The following DOCK8 variants were observed in gnomAD, a reference collection of about 807,000 sequenced individuals.
DOCK8 encodes dedicator of cytokinesis 8.
In DOCK8, 141 loss-of-function variants were observed where a neutral mutation model predicts 245.6. The ratio of observed to expected loss-of-function variants is 0.57; its 90% CI spans 0.50 to 0.66. The LOEUF (loss-of-function observed/expected upper bound fraction) is 0.66. Ranked by LOEUF, DOCK8 falls within the 30% of genes least tolerant of loss-of-function variation. The pLI, the probability that DOCK8 is intolerant of heterozygous loss-of-function variation, is 0.00. For missense variants in DOCK8, 2,965 were observed against 2,603.4 expected (o/e 1.14, Z -3.02); for synonymous variants, 1,168 against 970.2 (o/e 1.20, Z -3.79).
chr9:368,390 A>G, intron 15 of DOCK8: 1 of 679,388 alleles, frequency 1.5e-6, no homozygotes, highest in Non-Finnish European at 2.7e-6. Context: ...AAAAGTCATA[A>G]AGTCTTTCCA....
intron 32 of DOCK8, among the ~76,000 whole-genome samples, chr9:421,593 T>C (rs1382763588): frequency 6.6e-6 from 1 of 152,190 alleles, no homozygotes; most frequent in African/African-American, 2.4e-5. Flanking sequence ...TGAGCTTGAA[T>C]AGAATGAAAT....
At chr9:310,901 G>A (rs923409022) in intron 5 of DOCK8, among the ~76,000 whole-genome samples, 4 of 152,176 alleles carry the variant, frequency 2.6e-5, no homozygotes, top group Admixed American at 6.5e-5. Flanking sequence ...ACTGTGGGTG[G>A]GACCTGGGAC....
chr9:410,279 C>G (rs2055661296), intron 28 of DOCK8, among the ~76,000 whole-genome samples: 1 of 152,100 alleles, frequency 6.6e-6, no homozygotes, highest in Non-Finnish European at 1.5e-5. Flanking sequence ...CTCAAGTAAC[C>G]ACTATTCTGA....
chr9:227,011 A>G (rs1384420693), intron 1 of DOCK8, among the ~76,000 whole-genome samples: 1 of 152,218 alleles, frequency 6.6e-6, no homozygotes, highest in Non-Finnish European at 1.5e-5. Context: ...ATCAATACAT[A>G]TAACAAGGAG....
At chr9:379,103 G>C (rs571178377) in intron 20 of DOCK8, among the ~76,000 whole-genome samples, 3 of 152,100 alleles carry the variant, frequency 2.0e-5, no homozygotes, top group Non-Finnish European at 4.4e-5. Flanking sequence ...AGGCATGATG[G>C]GACAATACAA....
rs1477211332 is a variant in DOCK8 at position 459,155 on chromosome 9, T to A, written c.6069-4362T>A. ...GATGTTTGTGGACCTATTGAGAATG[T>A]TACAGATAAGACCATTTTTGAAAAG... On this transcript the variant is annotated intron_variant, in intron 46 of 47. Transcript: ENST00000432829. Among the ~76,000 whole-genome samples the A allele has an allele frequency of 5.3e-5, 8 of 152,340 alleles. No homozygotes were observed. The East Asian group carries it at 1.5e-3, about 29-fold the overall frequency.
At chr9:462,616 A>C (rs1432014802) in intron 46 of DOCK8, among the ~76,000 whole-genome samples, 2 of 152,172 alleles carry the variant, frequency 1.3e-5, no homozygotes, top group Non-Finnish European at 2.9e-5. Context: ...CTAAAATCTT[A>C]ATGGGCAGTC....
chr9:304,831 C>A, intron 5 of DOCK8, 127 bp downstream of exon 5: 2 of 1,316,636 alleles, frequency 1.5e-6, no homozygotes, highest in Non-Finnish European at 2.1e-6. Flanking sequence ...ACTTTACCAT[C>A]TGAGTCAGTG....
At chr9:459,564 T>G (rs938515603) in intron 46 of DOCK8, among the ~76,000 whole-genome samples, 1 of 152,210 alleles carries the variant, frequency 6.6e-6, no homozygotes, top group Non-Finnish European at 1.5e-5. Context: ...GATACTTGCC[T>G]ATGATGTGGT....
intron 3 of DOCK8, 143 bp downstream of exon 3, chr9:286,779 T>TA: frequency 1.2e-6 from 1 of 828,306 alleles, no homozygotes; most frequent in South Asian, 1.5e-5. Context: ...AGCTATATGA[T>TA]ATCATCATGT....
At chr9:223,991 C>G (rs1213782427) in intron 1 of DOCK8, among the ~76,000 whole-genome samples, 1 of 152,092 alleles carries the variant, frequency 6.6e-6, no homozygotes, top group Non-Finnish European at 1.5e-5. Context: ...AAAATAATAT[C>G]AGCTTGAGTT....
chr9:419,211 C>T (rs777687999), intron 30 of DOCK8, among the ~76,000 whole-genome samples: 1 of 152,240 alleles, frequency 6.6e-6, no homozygotes, highest in South Asian at 2.1e-4. Flanking sequence ...AAGCAGCATC[C>T]TGACCTAACT....
chr9:379,687 A>C, intron 20 of DOCK8, 84 bp from the exon 21 acceptor site: 1 of 1,487,440 alleles, frequency 6.7e-7, no homozygotes, highest in South Asian at 1.2e-5. Context: ...GTCAGGACTC[A>C]TTGTCACTGT....
rs778997315 is a variant in DOCK8, at chr9:439,328, G to A, written c.5163G>A (p.Gln1721=). ...SPDEDGVCAG[Q]YFTESGLVGL... ...ACGAGGATGGGGTGTGCGCAGGCCA[G>A]TACTTCACCGAGAGTGGCCTGGTAG... The change falls in exon 40 of 48, where the codon CAG becomes CAA. Residue 1721 remains glutamine (Q), a synonymous_variant. Transcript: ENST00000432829. 1.2e-5 allele frequency: 20 copies of A among 1,614,082 alleles called. No homozygotes were observed. Among genetic ancestry groups the A allele is most frequent in the Non-Finnish European group, 1.7e-5 (20 of 1,180,042 alleles).
intron 1 of DOCK8, chr9:220,938 C>G (rs2046869701): frequency 1.3e-5 from 3 of 230,014 alleles, no homozygotes; most frequent in African/African-American, 4.8e-5. Context: ...TCAGGCTGGT[C>G]TAGTCTTACC....
chr9:348,836 T>A (rs144045800), intron 14 of DOCK8, among the ~76,000 whole-genome samples: 161 of 152,342 alleles, frequency 1.1e-3, no homozygotes, highest in African/African-American at 3.6e-3. Flanking sequence ...TGGGGGACGC[T>A]ATTTTGCAGC....
intron 14 of DOCK8, among the ~76,000 whole-genome samples, chr9:357,908 T>C (rs1229631804): frequency 6.6e-6 from 1 of 152,232 alleles, no homozygotes; most frequent in Non-Finnish European, 1.5e-5. Flanking sequence ...CCTTCTGTTT[T>C]CCTTTTTCAC....
chr9:400,697 ACCACCACCACC>A (rs1253150066), intron 26 of DOCK8, among the ~76,000 whole-genome samples: 2 of 117,384 alleles, frequency 1.7e-5, no homozygotes, highest in East Asian at 2.8e-4. Flanking sequence ...CACCTCCACC[ACCACCACCACC>A]TCCACCATCA....
Position 463,691 on chromosome 9 carries a change from A to G in DOCK8, c.6239+4A>G, listed in dbSNP as rs760200493. The stretch of plus-strand genomic sequence containing the variant: ...TCAGAGTTGAGAGTCAAAAGAGGTA[A>G]GAACAGGGCAGAGGAGGCCTCTTCC... On this transcript the variant is annotated splice_donor_region_variant and intron_variant, in intron 47 of 47. Coordinates refer to ENST00000432829, the MANE Select transcript of DOCK8 (RefSeq NM_203447.4). 2 of 1,613,794 alleles carry G rather than the reference A, an allele frequency of 1.2e-6. No homozygotes were observed. The highest frequency in any genetic ancestry group is 2.2e-5 in the South Asian group (2 of 91,082).
Sources: gnomAD v4.1 joint callset for allele counts (sites outside exome capture counted in the v4.1 genomes callset) on GRCh38, gnomAD v4.1.1 for gene constraint, MANE v1.5 for transcripts, NCBI Gene and HGNC (gene_info 2026-07-23, HGNC 2026-07-21) for gene names.